FOXP1: variants seen among roughly 807,000 people sequenced by gnomAD.
FOXP1 encodes the protein forkhead box protein P1.
FOXP1 carries 15 observed loss-of-function variants against 98.2 expected under a neutral mutation model. That is an observed-to-expected ratio of 0.15 (90% confidence interval 0.10 to 0.24). The LOEUF is 0.24. FOXP1 is among the 10% of genes least tolerant of loss of function. The pLI, the probability that FOXP1 is intolerant of heterozygous loss-of-function variation, is 1.00. For missense variants in FOXP1, 633 were observed against 848.5 expected (o/e 0.75, Z 3.15); for synonymous variants, 371 against 314.5 (o/e 1.18, Z -1.90).
chr3:70,998,480 ACT>A (rs1488217754), intron 13 of FOXP1, among the ~76,000 whole-genome samples: 2 of 152,130 alleles, frequency 1.3e-5, no homozygotes, highest in East Asian at 3.8e-4. Flanking sequence ...CTATGTCATC[ACT>A]CTGATAATTC....
At chr3:71,582,577 G>A in intron 1 of FOXP1, 7 of 985,472 alleles carry the variant, frequency 7.1e-6, no homozygotes, top group Non-Finnish European at 8.4e-6. Context: ...ACAAATCGGA[G>A]CTTGGGAAAT....
intron 1 of FOXP1, chr3:71,582,783 T>C: frequency 1.0e-6 from 1 of 983,524 alleles, no homozygotes; most frequent in African/African-American, 1.8e-5. Context: ...TGGCTGGGGG[T>C]GCGCAGGTGC....
intron 3 of FOXP1, among the ~76,000 whole-genome samples, chr3:71,367,465 T>G (rs982939852): frequency 2.8e-4 from 43 of 152,172 alleles, no homozygotes; most frequent in African/African-American, 1.0e-3. Flanking sequence ...CTCTCTGGCC[T>G]CCCGCTTAAC....
chr3:70,983,252 G>A (rs576938975), intron 14 of FOXP1, among the ~76,000 whole-genome samples: 89 of 151,366 alleles, frequency 5.9e-4, no homozygotes, highest in African/African-American at 2.0e-3. Context: ...GATACTAAAA[G>A]CAAAAACAAA....
rs1481791233 is a variant in FOXP1, at chr3:71,054,971, C to T, written c.283-1198G>A. Among the ~76,000 whole-genome samples the T allele has an allele frequency of 2.0e-5, 3 of 150,788 alleles. No homozygotes were observed. The East Asian group carries it at 5.9e-4, about 30-fold the overall frequency. On this transcript the variant is annotated intron_variant, in intron 7 of 20. Transcript: ENST00000649528. ...TGTTTTGCACTTTGCCTGTGTGCTA[C>T]TTAAAAAAAAAAATCCGGCAGACAA... is the stretch of plus-strand genomic sequence containing the variant.
chr3:71,345,439 CACACAT>C lies in FOXP1; in HGVS notation c.-73+13705_-73+13710del, dbSNP rs1270038777. 4.3e-4 allele frequency among the ~76,000 whole-genome samples: 38 copies of C among 88,126 alleles called. 1 individual carries two copies. Among genetic ancestry groups the C allele is most frequent in the Admixed American group, 2.6e-4 (2 of 7,668 alleles). The allele number at this position is 88,126 out of a possible 152,430, so 57.8% of individuals were successfully genotyped here. ...ACACACACACACACACACACACACA[CACACAT>C]ATATATACCAAAAAGATCAAAACCT... On this transcript the variant is annotated intron_variant, in intron 4 of 20. Transcript: ENST00000649528.
intron 5 of FOXP1, among the ~76,000 whole-genome samples, chr3:71,225,894 G>A (rs1003678851): frequency 1.3e-5 from 2 of 152,200 alleles, no homozygotes; most frequent in Non-Finnish European, 2.9e-5. Context: ...CTGGGCACGG[G>A]GGCCCAAGAC....
intron 5 of FOXP1, among the ~76,000 whole-genome samples, chr3:71,260,490 T>G (rs1005208172): frequency 6.6e-6 from 1 of 152,098 alleles, no homozygotes; most frequent in African/African-American, 2.4e-5. Flanking sequence ...TGGCATGCAA[T>G]AAGTAATTTA....
At chr3:70,967,687 G>GTTTTTTTTTTTTTT (rs67711426) in intron 19 of FOXP1, among the ~76,000 whole-genome samples, 41 of 61,324 alleles carry the variant, frequency 6.7e-4, no homozygotes, top group Admixed American at 1.1e-3. Flanking sequence ...ACTATTATTT[G>GTTTTTTTTTTTTTT]TTTTTTTTTT....
intron 3 of FOXP1, among the ~76,000 whole-genome samples, chr3:71,427,589 A>G (rs1214348689): frequency 3.9e-5 from 6 of 152,240 alleles, no homozygotes. Flanking sequence ...CAGGAGGGAC[A>G]TATAAAGGCA....
At chr3:71,038,548 T>C (rs1477660521) in intron 11 of FOXP1, among the ~76,000 whole-genome samples, 2 of 152,224 alleles carry the variant, frequency 1.3e-5, no homozygotes, top group African/African-American at 2.4e-5. Flanking sequence ...AGCTTTGTTT[T>C]GGTATTTAAC....
At chr3:71,285,570 C>T (rs1041547839) in intron 5 of FOXP1, among the ~76,000 whole-genome samples, 9 of 152,152 alleles carry the variant, frequency 5.9e-5, no homozygotes, top group African/African-American at 2.2e-4. Context: ...TATTTTGAAA[C>T]ACTTGTAAAT....
intron 3 of FOXP1, among the ~76,000 whole-genome samples, chr3:71,454,842 A>G (rs889974645): frequency 1.3e-5 from 2 of 152,072 alleles, no homozygotes; most frequent in Admixed American, 1.3e-4. Context: ...CATCTCTCTC[A>G]GACCCACTGA....
At chr3:71,363,787 G>A (rs1049182189) in intron 3 of FOXP1, among the ~76,000 whole-genome samples, 1 of 152,176 alleles carries the variant, frequency 6.6e-6, no homozygotes, top group Non-Finnish European at 1.5e-5. Flanking sequence ...TTGTAGTTAG[G>A]TGGGGCCTGG....
chr3:71,531,781 C>A (rs187511558), intron 2 of FOXP1, among the ~76,000 whole-genome samples: 1 of 152,150 alleles, frequency 6.6e-6, no homozygotes, highest in Non-Finnish European at 1.5e-5. Flanking sequence ...TAACTGGGAA[C>A]GTTTGTGTGT....
chr3:70,964,935 T>C (rs2034418956), intron 20 of FOXP1, among the ~76,000 whole-genome samples: 1 of 152,196 alleles, frequency 6.6e-6, no homozygotes, highest in African/African-American at 2.4e-5. Context: ...ATAATTTCCA[T>C]TCCGATCACT....
intron 5 of FOXP1, among the ~76,000 whole-genome samples, chr3:71,282,755 A>C (rs147640387): frequency 2.0e-5 from 3 of 152,286 alleles, no homozygotes; most frequent in African/African-American, 7.2e-5. Context: ...CAGCATTCCT[A>C]TAAGGCAGGT....
intron 5 of FOXP1, among the ~76,000 whole-genome samples, chr3:71,233,595 T>C (rs1473121553): frequency 5.5e-5 from 8 of 145,432 alleles, no homozygotes; most frequent in Non-Finnish European, 9.2e-5. Flanking sequence ...TTTGACTCTT[T>C]TTTTTTTTTT....
At chr3:71,285,189 G>C (rs1045084585) in intron 5 of FOXP1, among the ~76,000 whole-genome samples, 1 of 152,114 alleles carries the variant, frequency 6.6e-6, no homozygotes, top group Non-Finnish European at 1.5e-5. Flanking sequence ...ATTAGCTTAT[G>C]CCTCAAAAAT....
Sources: gnomAD v4.1 joint callset for allele counts (sites outside exome capture counted in the v4.1 genomes callset) on GRCh38, gnomAD v4.1.1 for gene constraint, MANE v1.5 for transcripts, NCBI Gene and HGNC (gene_info 2026-07-23, HGNC 2026-07-21) for gene names.